Variants in PCDHA8 observed in about 807,000 individuals in gnomAD.
PCDHA8 encodes the protein protocadherin alpha 8, also known as protocadherin alpha-8.
In PCDHA8, 53 loss-of-function variants were observed where a neutral mutation model predicts 61.8. The observed-to-expected ratio is 0.86, with a 90% CI of 0.69 to 1.08. The LOEUF (loss-of-function observed/expected upper bound fraction) is 1.08, where lower values mean the gene tolerates loss of function less well. Ranked by LOEUF, PCDHA8 falls within the 50% of genes least tolerant of loss-of-function variation. The pLI, the probability that PCDHA8 is intolerant of heterozygous loss-of-function variation, is 0.00. For synonymous variants in PCDHA8, 618 were observed against 556.6 expected, an observed-to-expected ratio of 1.11 and a Z score of -1.55; for missense variants, 1,293 against 1,245.0, an observed-to-expected ratio of 1.04 and a Z score of -0.58.
intron 1 of PCDHA8, among the ~76,000 whole-genome samples, chr5:140,953,278 T>C (rs1227774652): frequency 6.6e-5 from 10 of 152,146 alleles, no homozygotes; most frequent in African/African-American, 2.4e-4. Flanking sequence ...CTTTGCTCTT[T>C]ATATGTGATT....
chr5:140,965,794 C>T (rs1554227851), intron 1 of PCDHA8, among the ~76,000 whole-genome samples: 1 of 152,170 alleles, frequency 6.6e-6, no homozygotes, highest in Non-Finnish European at 1.5e-5. Flanking sequence ...TTCATGGAGA[C>T]TATTTTTTTA....
At chr5:140,882,887 G>A (rs781927732) in intron 1 of PCDHA8, 43 of 1,614,050 alleles carry the variant, frequency 2.7e-5, no homozygotes, top group Non-Finnish European at 3.6e-5. Context: ...GGAAATTCAG[G>A]AACATAGTTT....
chr5:140,842,938 C>T lies in PCDHA8; in HGVS notation c.1617C>T (p.Asp539=), dbSNP rs2150348159. ...TGCAGTTCCAGGTGAGCGCGCGCGA[C>T]GCGGGCGTGCCGCCTCTGGGCAGCA... ...ELLQFQVSAR[D]AGVPPLGSNV... is the part of the protein sequence containing the mutation. Residue 539 remains aspartate, a synonymous_variant, in exon 1 of 4, where the codon GAC becomes GAT. Transcript: ENST00000531613. 14 of 1,594,434 alleles carry T rather than the reference C, an allele frequency of 8.8e-6. No individual in the cohort carries two copies. Among genetic ancestry groups the T allele is most frequent in the South Asian group, 5.5e-5 (5 of 90,482 alleles).
chr5:140,858,776 C>T, intron 1 of PCDHA8: 1 of 420,692 alleles, frequency 2.4e-6, no homozygotes, highest in Non-Finnish European at 4.3e-6. Flanking sequence ...GAGATTAGTA[C>T]TTCATGTTAT....
intron 1 of PCDHA8, among the ~76,000 whole-genome samples, chr5:140,896,201 C>G (rs1583224545): frequency 6.6e-6 from 1 of 152,344 alleles, no homozygotes; most frequent in African/African-American, 2.4e-5. Context: ...CCATGATGAA[C>G]ATACACATAC....
chr5:140,841,975 C>T lies in PCDHA8; in HGVS notation c.654C>T (p.Gly218=), dbSNP rs1777621234. ...HHLFLTATDG[G]KPELTGTVQL... ...TATTCCTGACAGCCACAGATGGGGGCAAACCTGAGCTCACAGGCACTGTTC... is the reference window on the plus strand; with the variant it reads ...TATTCCTGACAGCCACAGATGGGGGTAAACCTGAGCTCACAGGCACTGTTC... Residue 218 remains glycine, a synonymous_variant, in exon 1 of 4, where the codon GGC becomes GGT. Coordinates refer to ENST00000531613, the MANE Select transcript of PCDHA8 (RefSeq NM_018911.3). The T allele has an allele frequency of 4.3e-6, 7 of 1,613,726 alleles. No homozygotes were observed. Among genetic ancestry groups the T allele is most frequent in the Non-Finnish European group, 5.9e-6 (7 of 1,179,842 alleles).
intron 1 of PCDHA8, among the ~76,000 whole-genome samples, chr5:140,921,048 T>C (rs1554200052): frequency 6.6e-6 from 1 of 152,052 alleles, no homozygotes; most frequent in African/African-American, 2.4e-5. Context: ...GGGGCAATCA[T>C]AGCTCACTCT....
intron 1 of PCDHA8, among the ~76,000 whole-genome samples, chr5:140,910,535 T>G (rs2153515129): frequency 6.6e-6 from 1 of 152,274 alleles, no homozygotes; most frequent in African/African-American, 2.4e-5. Flanking sequence ...CCCTCACAAA[T>G]CTATTTTGCA....
intron 3 of PCDHA8, among the ~76,000 whole-genome samples, chr5:140,985,246 T>C (rs2097143888): frequency 6.6e-6 from 1 of 152,110 alleles, no homozygotes; most frequent in African/African-American, 2.4e-5. Flanking sequence ...CTAATCTTCT[T>C]ACTCTTTTTT....
At chr5:140,843,844 A>T in intron 1 of PCDHA8, 129 bp downstream of exon 1, 1 of 1,001,286 alleles carries the variant, frequency 1.0e-6, no homozygotes, top group Non-Finnish European at 1.5e-6. Flanking sequence ...GTTTTTAGAA[A>T]CCTTTTATAA....
intron 2 of PCDHA8, among the ~76,000 whole-genome samples, chr5:140,980,702 G>A (rs1472407152): frequency 6.6e-6 from 1 of 151,558 alleles, no homozygotes; most frequent in Non-Finnish European, 1.5e-5. Flanking sequence ...AAAGCCAAAT[G>A]TGCTCCTATT....
intron 1 of PCDHA8, among the ~76,000 whole-genome samples, chr5:140,936,053 C>A (rs576745037): frequency 1.3e-5 from 2 of 151,934 alleles, no homozygotes; most frequent in African/African-American, 4.8e-5. Context: ...CCACCACACC[C>A]GGCTAATTTT....
intron 1 of PCDHA8, chr5:140,869,835 A>T (rs782478328): frequency 1.2e-6 from 2 of 1,611,774 alleles, no homozygotes; most frequent in South Asian, 2.2e-5. Context: ...AGTTTGATAA[A>T]TCAGAATATA....
intron 1 of PCDHA8, among the ~76,000 whole-genome samples, chr5:140,955,987 A>T (rs1185683030): frequency 6.6e-6 from 1 of 152,198 alleles, no homozygotes; most frequent in Non-Finnish European, 1.5e-5. Context: ...CAATTTTTGC[A>T]CATTGATTTT....
chr5:140,887,238 C>A (rs1191260946), intron 1 of PCDHA8, among the ~76,000 whole-genome samples: 3 of 151,738 alleles, frequency 2.0e-5, no homozygotes, highest in African/African-American at 4.8e-5. Flanking sequence ...CTGAGACTAC[C>A]GGCGCCCGCC....
rs782248969 is a variant in PCDHA8 at position 140,927,466 on chromosome 5, G to A, written c.2395-51483G>A. 67 of 1,614,044 alleles carry A rather than the reference G, an allele frequency of 4.2e-5. No homozygotes were observed. Among genetic ancestry groups the A allele is most frequent in the Non-Finnish European group, 5.4e-5 (64 of 1,180,052 alleles). Reference sequence around the variant, plus strand: ...GGAGTTGGTGTTGGAGAAAGCACTGGATCGCGAACAGCGCGCCACCCACCT... The same window carrying A: ...GGAGTTGGTGTTGGAGAAAGCACTGAATCGCGAACAGCGCGCCACCCACCT... On this transcript the variant is annotated intron_variant, in intron 1 of 3. Coordinates refer to ENST00000531613, the MANE Select transcript of PCDHA8 (RefSeq NM_018911.3).
Position 140,841,790 on chromosome 5 carries a change from G to A in PCDHA8, c.469G>A (p.Ala157Thr), listed in dbSNP as rs2150322746. The A allele has an allele frequency of 5.6e-6, 9 of 1,613,884 alleles. No individual in the cohort carries two copies. The South Asian group carries it at 7.7e-5, about 14-fold the overall frequency. The stretch of plus-strand genomic sequence containing the variant: ...AGACTCTCGGTTTCCGCTAGAGGGC[G>A]CGTCCGATGCAGATGTTGGAGCTAA... ...MPDSRFPLEG[A>T]SDADVGANSV... The change falls in exon 1 of 4, where the codon GCG becomes ACG. Residue 157 changes from alanine (A) to threonine (T), a missense_variant. Ala to Thr is a moderately conservative substitution (Grantham distance 58). Coordinates refer to ENST00000531613, the MANE Select transcript of PCDHA8 (RefSeq NM_018911.3).
At chr5:140,972,001 A>G (rs2096512667) in intron 1 of PCDHA8, among the ~76,000 whole-genome samples, 1 of 152,202 alleles carries the variant, frequency 6.6e-6, no homozygotes, top group African/African-American at 2.4e-5. Context: ...CAATGTTTAT[A>G]TTCCCTTTTA....
chr5:140,946,611 AATATATATAT>A (rs1554217734), intron 1 of PCDHA8, among the ~76,000 whole-genome samples: 3 of 86,806 alleles, frequency 3.5e-5, no homozygotes, highest in African/African-American at 1.3e-4. Flanking sequence ...GAAAATGTGA[AATATATATAT>A]ATATATATAT....
Sources: gnomAD v4.1 joint callset for allele counts (sites outside exome capture counted in the v4.1 genomes callset) on GRCh38, gnomAD v4.1.1 for gene constraint, MANE v1.5 for transcripts, NCBI Gene and HGNC (gene_info 2026-07-23, HGNC 2026-07-21) for gene names.